Variants in UHRF1 observed in about 807,000 individuals in gnomAD.
UHRF1 encodes ubiquitin like with PHD and ring finger domains 1.
UHRF1 carries 9 observed loss-of-function variants against 96.5 expected under a neutral mutation model. The observed-to-expected ratio is 0.09, with a 90% CI of 0.06 to 0.16. The LOEUF (loss-of-function observed/expected upper bound fraction) is 0.16. Ranked by LOEUF, UHRF1 falls within the 10% of genes least tolerant of loss-of-function variation. The pLI, the probability that UHRF1 is intolerant of heterozygous loss-of-function variation, is 1.00. For missense variants in UHRF1, 626 were observed against 1,131.1 expected, an observed-to-expected ratio of 0.55 and a Z score of 6.40; for synonymous variants, 455 against 469.9, an observed-to-expected ratio of 0.97 and a Z score of 0.41.
intron 5 of UHRF1, among the ~76,000 whole-genome samples, chr19:4,933,840 T>C (rs1043455458): frequency 2.6e-5 from 4 of 152,110 alleles, no homozygotes; most frequent in Non-Finnish European, 1.5e-5. Flanking sequence ...TTTTGTGTTA[T>C]AAGAGCAGAG....
At chr19:4,904,746 G>A (rs2032030523), upstream of UHRF1, among the ~76,000 whole-genome samples, 1 of 152,196 alleles carries the variant, frequency 6.6e-6, no homozygotes, top group African/African-American at 2.4e-5. Context: ...AGCCAGGAGT[G>A]GGTGTGGGGG....
At chr19:4,904,467 C>A (rs1249817839) in intron 1 of UHRF1, among the ~76,000 whole-genome samples, 2 of 152,188 alleles carry the variant, frequency 1.3e-5, no homozygotes, top group Non-Finnish European at 1.5e-5. Context: ...GCGTGAGCCA[C>A]CGCACCCAGC....
upstream of UHRF1, among the ~76,000 whole-genome samples, chr19:4,908,322 G>C (rs528958821): frequency 3.3e-5 from 5 of 152,296 alleles, no homozygotes; most frequent in African/African-American, 1.2e-4. Context: ...TGACCAGATA[G>C]AGGAGACTTA....
chr19:4,904,025 G>A (rs2032006414), intron 1 of UHRF1, among the ~76,000 whole-genome samples: 1 of 151,890 alleles, frequency 6.6e-6, no homozygotes, highest in South Asian at 2.1e-4. Context: ...TGCCCAGGCT[G>A]GAGTGCAGTG....
In UHRF1 at chr19:4,932,731, T is replaced by C. The variant is rs1181597805; in HGVS notation, c.570-10T>C. Reference sequence around the variant, plus strand: ...TAGCACGGGGTCTAAGGCCCGGGCTTTCCTCCCAGCTACCCGGAGAACGGC... The same window carrying C: ...TAGCACGGGGTCTAAGGCCCGGGCTCTCCTCCCAGCTACCCGGAGAACGGC... On this transcript the variant is annotated splice_polypyrimidine_tract_variant and intron_variant, in intron 4 of 16. Coordinates refer to ENST00000650932, the MANE Select transcript of UHRF1 (RefSeq NM_001048201.3). The C allele has an allele frequency of 1.2e-6, 2 of 1,613,170 alleles. No individual in the cohort carries two copies. The highest frequency in any genetic ancestry group is 1.7e-6 in the Non-Finnish European group (2 of 1,179,462).
chr19:4,944,304 G>T lies in UHRF1; in HGVS notation c.1198-39G>T, dbSNP rs780362955. 5.0e-6 allele frequency: 8 copies of T among 1,613,866 alleles called. No individual in the cohort carries two copies. The Admixed American group carries it at 1.2e-4, about 24-fold the overall frequency. ...CCCGTGGCCCCTCCCCGCCTGCCAG[G>T]GCTCACGCTGTTGTTCTTTGTGTCT... On this transcript the variant is annotated intron_variant, in intron 8 of 16. Coordinates refer to ENST00000650932, the MANE Select transcript of UHRF1 (RefSeq NM_001048201.3).
chr19:4,930,794 G>A lies in UHRF1; in HGVS notation c.487G>A (p.Ala163Thr), dbSNP rs747667701. 8 of 1,613,954 alleles carry A rather than the reference G, an allele frequency of 5.0e-6. No homozygotes were observed. The highest frequency in any genetic ancestry group is 1.1e-5 in the South Asian group (1 of 91,080). ...EAQVVRVTRK[A>T]PSRDEPCSST... ...GCAGGTGGTCAGGGTGACGCGGAAGGCCCCCTCCCGGGACGAGCCCTGCAG... is the reference window on the plus strand; with the variant it reads ...GCAGGTGGTCAGGGTGACGCGGAAGACCCCCTCCCGGGACGAGCCCTGCAG... The change falls in exon 4 of 17, where the codon GCC becomes ACC. Residue 163 changes from alanine to threonine, a missense_variant. Physicochemically the swap from Ala to Thr is moderately conservative, Grantham distance 58. Transcript: ENST00000650932. This position sits in a 1 kb window ranked among gnomAD's most constrained non-coding sequence, Gnocchi z 4.4.
At chr19:4,939,164 C>T (rs921504463) in intron 5 of UHRF1, among the ~76,000 whole-genome samples, 24 of 151,332 alleles carry the variant, frequency 1.6e-4, no homozygotes, top group African/African-American at 5.1e-4. Flanking sequence ...ATAATCCACC[C>T]GCCTCAGCCT....
intron 3 of UHRF1, among the ~76,000 whole-genome samples, chr19:4,929,953 A>G (rs1032751336): frequency 6.6e-6 from 1 of 152,068 alleles, no homozygotes; most frequent in Non-Finnish European, 1.5e-5. Context: ...GGCATGTGCC[A>G]CCACGCCCAG....
intron 13 of UHRF1, among the ~76,000 whole-genome samples, chr19:4,951,265 C>T (rs1208590013): frequency 6.6e-6 from 1 of 152,152 alleles, no homozygotes; most frequent in Admixed American, 6.5e-5. Flanking sequence ...GAGTCCATCT[C>T]AAAACAGGAG....
chr19:4,936,892 C>T (rs967151595), intron 5 of UHRF1, among the ~76,000 whole-genome samples: 1 of 151,594 alleles, frequency 6.6e-6, no homozygotes, highest in African/African-American at 2.4e-5. Context: ...TATTAATAAA[C>T]TATACTGTGT....
At chr19:4,928,974 G>A (rs541663006) in intron 2 of UHRF1, among the ~76,000 whole-genome samples, 1 of 152,310 alleles carries the variant, frequency 6.6e-6, no homozygotes, top group South Asian at 2.1e-4. Context: ...GTGCTTCTGG[G>A]TGCTTCCTGC....
In UHRF1 at chr19:4,911,005, A is replaced by T; in HGVS notation, c.120A>T (p.Pro40=). ...RKIQELFHVE[P]GLQRLFYRGK... ...TCCAGGAGCTGTTCCACGTGGAGCC[A>T]GGCCTGCAGAGGCTGTTCTACAGGG... is the stretch of plus-strand genomic sequence containing the variant. Residue 40 remains proline, a synonymous_variant, in exon 2 of 17, where the codon CCA becomes CCT. Transcript: ENST00000650932. 6.2e-7 allele frequency: 1 copy of T among 1,610,392 alleles called. No individual in the cohort carries two copies. Among genetic ancestry groups the T allele is most frequent in the Non-Finnish European group, 8.5e-7 (1 of 1,177,888 alleles).
intron 5 of UHRF1, among the ~76,000 whole-genome samples, chr19:4,938,148 C>T (rs567986702): frequency 2.9e-4 from 44 of 151,760 alleles, no homozygotes; most frequent in South Asian, 8.4e-4. Flanking sequence ...AGCAAGATTC[C>T]GTCTCGGTGG....
intron 15 of UHRF1, 43 bp from the exon 16 acceptor site, chr19:4,956,666 T>C: frequency 7.7e-7 from 1 of 1,307,080 alleles, no homozygotes; most frequent in East Asian, 2.4e-5. Context: ...GTGGGAGCCC[T>C]GGTCCCGGTG....
In UHRF1 at chr19:4,930,320, C is replaced by A. The variant is rs1381633794; in HGVS notation, c.409-396C>A. Among the ~76,000 whole-genome samples the A allele has an allele frequency of 6.6e-6, 1 of 152,202 alleles. No individual in the cohort carries two copies. On this transcript the variant is annotated intron_variant, in intron 3 of 16. Coordinates refer to ENST00000650932, the MANE Select transcript of UHRF1 (RefSeq NM_001048201.3). The surrounding 1 kb of genome is among the most constrained non-coding windows in gnomAD (Gnocchi z 4.4). Reference sequence around the variant, plus strand: ...ACAGCGTCTTACCATGTTGCCCAGGCTAGTCTTGAATTCCGGGGCTCAAGC... The same window carrying A: ...ACAGCGTCTTACCATGTTGCCCAGGATAGTCTTGAATTCCGGGGCTCAAGC...
In UHRF1 at chr19:4,941,837, C is replaced by T; in HGVS notation, c.979C>T (p.Pro327Ser). ...ACHLCGGRQD[P>S]DKQLMCDECD... is the part of the protein sequence containing the mutation. ...CCACCTGTGCGGGGGCCGGCAGGAC[C>T]CCGACAAGCAGCTCATGTGCGATGA... is the stretch of plus-strand genomic sequence containing the variant. The change falls in exon 7 of 17, where the codon CCC (proline) becomes TCC (serine). Residue 327 changes from proline to serine, a missense_variant. Around this residue, in one of 11 missense-constraint regions of UHRF1, gnomAD observed 69 missense variants for 159.8 expected, o/e 0.43. Coordinates refer to ENST00000650932, the MANE Select transcript of UHRF1 (RefSeq NM_001048201.3). The T allele has an allele frequency of 6.3e-7, 1 of 1,575,762 alleles. No homozygotes were observed. The highest frequency in any genetic ancestry group is 8.6e-7 in the Non-Finnish European group (1 of 1,161,366).
intron 4 of UHRF1, among the ~76,000 whole-genome samples, chr19:4,932,164 C>T (rs575465319): frequency 6.6e-6 from 1 of 152,110 alleles, no homozygotes; most frequent in East Asian, 1.9e-4. Flanking sequence ...CTCAGATGAT[C>T]TGCCTGCCTC....
At chr19:4,945,557 C>T (rs1364254436) in intron 9 of UHRF1, among the ~76,000 whole-genome samples, 1 of 152,082 alleles carries the variant, frequency 6.6e-6, no homozygotes, top group Non-Finnish European at 1.5e-5. Flanking sequence ...CCGTGCCTGG[C>T]CGTCACCCCC....
Sources: allele counts gnomAD v4.1 joint callset (sites outside exome capture counted in the v4.1 genomes callset), GRCh38; gene constraint gnomAD v4.1.1; regional missense constraint gnomAD v4.1.1; non-coding constraint Gnocchi (gnomAD v3.1); transcripts MANE v1.5; gene names NCBI Gene and HGNC (gene_info 2026-07-23, HGNC 2026-07-21).